The following RBFOX1 variants were observed in gnomAD, a reference collection of about 807,000 sequenced individuals.
RBFOX1 encodes the protein RNA binding protein fox-1 homolog 1.
In RBFOX1, 8 loss-of-function variants were observed where a neutral mutation model predicts 57.7. That is an observed-to-expected ratio of 0.14 (90% CI 0.08 to 0.25). The LOEUF (loss-of-function observed/expected upper bound fraction) is 0.25, where lower values mean the gene tolerates loss of function less well. Ranked by LOEUF, RBFOX1 falls within the 10% of genes least tolerant of loss-of-function variation. The probability of loss-of-function intolerance (pLI) is 1.00; values close to 1 mark genes in which losing one functional copy is unlikely to be tolerated. For missense variants in RBFOX1, 611 were observed against 548.5 expected (o/e 1.11, Z -1.14); for synonymous variants, 326 against 222.4 (o/e 1.47, Z -4.15).
At chr16:6,082,412 C>A (rs1199049589) in intron 1 of RBFOX1, among the ~76,000 whole-genome samples, 15 of 119,034 alleles carry the variant, frequency 1.3e-4, no homozygotes, top group Admixed American at 1.2e-3. Context: ...CCAGGCTGAT[C>A]TTGAACTCCT....
intron 7 of RBFOX1, among the ~76,000 whole-genome samples, chr16:7,592,675 C>A (rs1226190828): frequency 5.3e-5 from 8 of 152,240 alleles, no homozygotes; most frequent in African/African-American, 1.9e-4. Flanking sequence ...AAGTTAGGCC[C>A]ATCAGGGAGG....
chr16:5,402,764 C>G (rs2066749936), intron 1 of RBFOX1, among the ~76,000 whole-genome samples: 1 of 152,152 alleles, frequency 6.6e-6, no homozygotes, highest in Non-Finnish European at 1.5e-5. Context: ...CCTTTAGAAT[C>G]ATGAGAAATC....
At chr16:6,504,456 G>A (rs1470969985) in intron 2 of RBFOX1, among the ~76,000 whole-genome samples, 3 of 152,188 alleles carry the variant, frequency 2.0e-5, no homozygotes, top group East Asian at 1.9e-4. Flanking sequence ...GAGTACCGGG[G>A]TAGTATAGAG....
intron 3 of RBFOX1, among the ~76,000 whole-genome samples, chr16:6,901,906 G>A (rs1431985144): frequency 2.0e-5 from 3 of 152,156 alleles, no homozygotes; most frequent in Admixed American, 6.5e-5. Context: ...GGGTTTATTT[G>A]CCATCTGGCT....
intron 1 of RBFOX1, chr16:6,057,045 C>T (rs1449364359): frequency 6.6e-6 from 1 of 151,436 alleles, no homozygotes; most frequent in African/African-American, 2.4e-5. Context: ...GAAAGAGATT[C>T]ACGTATGGCT....
At chr16:6,419,734 A>T (rs1260606727) in intron 2 of RBFOX1, among the ~76,000 whole-genome samples, 1 of 152,082 alleles carries the variant, frequency 6.6e-6, no homozygotes, top group South Asian at 2.1e-4. Flanking sequence ...GTCGTGTTCT[A>T]TCTTTTACAC....
intron 3 of RBFOX1, among the ~76,000 whole-genome samples, chr16:6,765,041 G>A (rs2077138041): frequency 6.6e-6 from 1 of 152,122 alleles, no homozygotes; most frequent in Admixed American, 6.5e-5. Context: ...AAAATTCATG[G>A]TGACATGAAA....
intron 4 of RBFOX1, among the ~76,000 whole-genome samples, chr16:7,277,048 T>C (rs1170063832): frequency 6.6e-6 from 1 of 152,260 alleles, no homozygotes; most frequent in Non-Finnish European, 1.5e-5. Context: ...AGAATTTGTC[T>C]GCAGCCCTTT....
At chr16:6,828,307 C>T (rs923150127) in intron 3 of RBFOX1, among the ~76,000 whole-genome samples, 1 of 152,080 alleles carries the variant, frequency 6.6e-6, no homozygotes, top group South Asian at 2.1e-4. Flanking sequence ...GGGTGGGTCA[C>T]AAGGTGAAGA....
intron 4 of RBFOX1, among the ~76,000 whole-genome samples, chr16:7,497,670 A>G (rs748578448): frequency 2.6e-5 from 4 of 152,222 alleles, no homozygotes; most frequent in Non-Finnish European, 4.4e-5. Context: ...ATAGTCAAAA[A>G]CTACATTTCG....
chr16:6,668,828 T>C (rs887649731), intron 3 of RBFOX1, among the ~76,000 whole-genome samples: 1 of 148,930 alleles, frequency 6.7e-6, no homozygotes, highest in African/African-American at 2.5e-5. Flanking sequence ...CTATTTTGTG[T>C]AATTTTTAGC....
At chr16:5,922,316 A>G (rs1177597753) in intron 4 of RBFOX1, among the ~76,000 whole-genome samples, 1 of 152,192 alleles carries the variant, frequency 6.6e-6, no homozygotes, top group Admixed American at 6.5e-5. Flanking sequence ...TTTTGACTTG[A>G]GAGCTGAGAT....
At chr16:5,288,352 T>G (rs9930552) in intron 1 of RBFOX1, among the ~76,000 whole-genome samples, 119,834 of 151,978 alleles carry the variant, frequency 0.79, 48,057 homozygotes, top group East Asian at 0.94. Flanking sequence ...GTGTCTATGT[T>G]GGGGGCACTC....
At chr16:7,055,609 C>T (rs1313874170) in intron 4 of RBFOX1, among the ~76,000 whole-genome samples, 1 of 152,162 alleles carries the variant, frequency 6.6e-6, no homozygotes, top group Non-Finnish European at 1.5e-5. Context: ...TTCGTCACTG[C>T]AGTCGTTTTC....
intron 2 of RBFOX1, among the ~76,000 whole-genome samples, chr16:5,571,588 G>A (rs1196788333): frequency 6.6e-6 from 1 of 152,204 alleles, no homozygotes; most frequent in Non-Finnish European, 1.5e-5. Flanking sequence ...CCCACCGCCA[G>A]AAGATATGCT....
At chr16:6,566,314 T>G (rs975260728) in intron 2 of RBFOX1, among the ~76,000 whole-genome samples, 2 of 152,224 alleles carry the variant, frequency 1.3e-5, no homozygotes, top group African/African-American at 4.8e-5. Context: ...GCACCTCGAT[T>G]CTAGGTGTGA....
At chr16:5,423,989 C>G (rs2067434933) in intron 1 of RBFOX1, among the ~76,000 whole-genome samples, 4 of 152,184 alleles carry the variant, frequency 2.6e-5, no homozygotes, top group African/African-American at 9.7e-5. Flanking sequence ...ATTCCCATTT[C>G]TCAGCAATCT....
intron 3 of RBFOX1, among the ~76,000 whole-genome samples, chr16:5,753,347 A>G (rs924734843): frequency 2.6e-5 from 4 of 152,174 alleles, no homozygotes; most frequent in Admixed American, 6.5e-5. Context: ...ATTTTACACT[A>G]TGTGCCCTGA....
intron 2 of RBFOX1, among the ~76,000 whole-genome samples, chr16:6,601,980 C>A: frequency 6.6e-6 from 1 of 151,964 alleles, no homozygotes; most frequent in East Asian, 1.9e-4. Flanking sequence ...ACTCTTCTCT[C>A]TTGTCAGGTA....
Sources: gnomAD v4.1 joint callset for allele counts (sites outside exome capture counted in the v4.1 genomes callset) on GRCh38, gnomAD v4.1.1 for gene constraint, MANE v1.5 for transcripts, NCBI Gene and HGNC (gene_info 2026-07-23, HGNC 2026-07-21) for gene names.